The following CACNA2D3 variants were observed in gnomAD, a reference collection of about 807,000 sequenced individuals.
CACNA2D3 encodes the protein calcium voltage-gated channel auxiliary subunit alpha2delta 3.
A neutral mutation model predicts 160.6 loss-of-function variants in CACNA2D3; 60 were observed. The ratio of observed to expected loss-of-function variants is 0.37; its 90% CI spans 0.30 to 0.46. The LOEUF is 0.46. Among genes scored for constraint, CACNA2D3 ranks in the 20% least tolerant of loss-of-function variants. CACNA2D3 has a pLI of 1.00. For missense variants in CACNA2D3, 1,205 were observed against 1,365.0 expected, an observed-to-expected ratio of 0.88 and a Z score of 1.85; for synonymous variants, 558 against 492.9, an observed-to-expected ratio of 1.13 and a Z score of -1.75.
chr3:54,507,462 C>G (rs1701389279), intron 5 of CACNA2D3, among the ~76,000 whole-genome samples: 1 of 152,172 alleles, frequency 6.6e-6, no homozygotes. Flanking sequence ...GCAGATGCAG[C>G]CTTGTGCCCC....
intron 8 of CACNA2D3, among the ~76,000 whole-genome samples, chr3:54,579,368 G>A (rs1225944752): frequency 2.0e-5 from 3 of 152,120 alleles, no homozygotes; most frequent in Non-Finnish European, 4.4e-5. Flanking sequence ...TTTGCATTCC[G>A]TTCTTTCTCT....
Position 55,054,610 on chromosome 3 carries a change from A to G in CACNA2D3, c.2988-18835A>G, listed in dbSNP as rs997438958. On this transcript the variant is annotated intron_variant, in intron 35 of 37. Transcript: ENST00000474759. ...TATATTATTTAATATACTATATTAT[A>G]AAGTATAATATATTACCATTATCTA... is the stretch of plus-strand genomic sequence containing the variant. Among the ~76,000 whole-genome samples, 4 of 150,002 alleles carry G rather than the reference A, an allele frequency of 2.7e-5. No homozygotes were observed. In the South Asian group the frequency reaches 8.3e-4, roughly 31 times the overall value.
At chr3:54,883,936 A>G (rs1699867615) in intron 21 of CACNA2D3, among the ~76,000 whole-genome samples, 1 of 151,916 alleles carries the variant, frequency 6.6e-6, no homozygotes, top group Non-Finnish European at 1.5e-5. Context: ...TTAAATTTTA[A>G]TATAATTTAC....
intron 16 of CACNA2D3, among the ~76,000 whole-genome samples, chr3:54,843,408 A>G (rs1698864390): frequency 6.6e-6 from 1 of 152,128 alleles, no homozygotes; most frequent in Non-Finnish European, 1.5e-5. Flanking sequence ...AGGGAGAGAG[A>G]AGGAGGGGTG....
intron 35 of CACNA2D3, among the ~76,000 whole-genome samples, chr3:55,033,690 C>T (rs1163234304): frequency 5.7e-5 from 3 of 52,308 alleles, no homozygotes; most frequent in Non-Finnish European, 1.4e-4. Flanking sequence ...TGTATATATA[C>T]CCTTAAAAAA....
At chr3:54,906,544 G>A (rs776665359) in intron 27 of CACNA2D3, among the ~76,000 whole-genome samples, 3 of 152,200 alleles carry the variant, frequency 2.0e-5, no homozygotes, top group Non-Finnish European at 4.4e-5. Context: ...CCAGTAACCT[G>A]CAATGAGATT....
chr3:54,863,499 T>G (rs2106805040), intron 17 of CACNA2D3, among the ~76,000 whole-genome samples: 1 of 152,260 alleles, frequency 6.6e-6, no homozygotes, highest in Non-Finnish European at 1.5e-5. Flanking sequence ...ATTTTGATTT[T>G]TATGTCTAGC....
At position 54,203,221 on chromosome 3, in the gene CACNA2D3, A is replaced by G. The variant is rs149284932; in HGVS notation, c.204+79627A>G. On this transcript the variant is annotated intron_variant, in intron 2 of 37. Coordinates refer to ENST00000474759, the MANE Select transcript of CACNA2D3 (RefSeq NM_018398.3). ...CCAATCCTTTGAAAGCCTGAACAGA[A>G]CAAAATGAAACGGGAAGGGTCCCCT... 2.1e-3 allele frequency among the ~76,000 whole-genome samples: 320 copies of G among 152,356 alleles called. 2 individuals are homozygous for G. The highest frequency in any genetic ancestry group is 6.8e-3 in the Middle Eastern group (2 of 294).
intron 4 of CACNA2D3, among the ~76,000 whole-genome samples, chr3:54,500,561 C>T (rs1451153560): frequency 6.7e-6 from 1 of 148,286 alleles, no homozygotes; most frequent in African/African-American, 2.5e-5. Context: ...TCCTTTCTCT[C>T]TCTTTCTTTT....
At chr3:54,615,416 T>C (rs1185258445) in intron 9 of CACNA2D3, among the ~76,000 whole-genome samples, 3 of 152,194 alleles carry the variant, frequency 2.0e-5, no homozygotes, top group African/African-American at 7.2e-5. Flanking sequence ...AAATGACACC[T>C]CAGAAATACA....
chr3:54,805,088 A>T (rs1703086413), intron 13 of CACNA2D3, among the ~76,000 whole-genome samples: 1 of 152,234 alleles, frequency 6.6e-6, no homozygotes, highest in Non-Finnish European at 1.5e-5. Flanking sequence ...AAATGCCCAC[A>T]AGAGAAAGCA....
intron 5 of CACNA2D3, among the ~76,000 whole-genome samples, chr3:54,526,118 A>C (rs1293467689): frequency 6.6e-6 from 1 of 151,826 alleles, no homozygotes; most frequent in African/African-American, 2.4e-5. Context: ...TCTCTAAAGA[A>C]TTTTTTATTT....
chr3:54,331,859 G>T (rs894914266), intron 3 of CACNA2D3, among the ~76,000 whole-genome samples: 2 of 152,058 alleles, frequency 1.3e-5, no homozygotes, highest in East Asian at 1.9e-4. Flanking sequence ...AAAAAGGTTT[G>T]ATTCATGTAA....
chr3:54,810,951 C>T (rs1033303138), intron 13 of CACNA2D3, among the ~76,000 whole-genome samples: 1 of 152,170 alleles, frequency 6.6e-6, no homozygotes, highest in African/African-American at 2.4e-5. Flanking sequence ...TCCTTTGTGC[C>T]TCACCTATTG....
chr3:54,670,371 C>G (rs540339475), intron 11 of CACNA2D3, among the ~76,000 whole-genome samples: 1 of 152,170 alleles, frequency 6.6e-6, no homozygotes, highest in Non-Finnish European at 1.5e-5. Flanking sequence ...CTCATTACAG[C>G]CCATACAGCA....
At chr3:54,180,100 C>CTTT (rs5849033) in intron 2 of CACNA2D3, among the ~76,000 whole-genome samples, 57 of 127,812 alleles carry the variant, frequency 4.5e-4, no homozygotes, top group Admixed American at 7.9e-4. Context: ...TGTCTTTTGC[C>CTTT]TTTTTTTTTT....
chr3:54,624,556 A>G (rs1699054949), intron 9 of CACNA2D3, among the ~76,000 whole-genome samples: 1 of 152,164 alleles, frequency 6.6e-6, no homozygotes, highest in African/African-American at 2.4e-5. Flanking sequence ...CGGGAGGCGG[A>G]GCTTCTGGTG....
chr3:54,203,721 G>T (rs1466279232), intron 2 of CACNA2D3, among the ~76,000 whole-genome samples: 1 of 152,068 alleles, frequency 6.6e-6, no homozygotes, highest in Non-Finnish European at 1.5e-5. Flanking sequence ...GCCTGCCTGT[G>T]TGCTGGCATC....
intron 2 of CACNA2D3, among the ~76,000 whole-genome samples, chr3:54,284,468 T>C (rs569596730): frequency 6.6e-6 from 1 of 151,950 alleles, no homozygotes; most frequent in Non-Finnish European, 1.5e-5. Flanking sequence ...TTAGGAGAAG[T>C]TGGGTGAAGG....
Sources: allele counts gnomAD v4.1 joint callset (sites outside exome capture counted in the v4.1 genomes callset), GRCh38; gene constraint gnomAD v4.1.1; transcripts MANE v1.5; gene names NCBI Gene and HGNC (gene_info 2026-07-23, HGNC 2026-07-21).